DOCK11: variants seen among roughly 807,000 people sequenced by gnomAD.
DOCK11 encodes dedicator of cytokinesis protein 11.
DOCK11 carries 70 observed loss-of-function variants against 169.1 expected under a neutral mutation model. That is an observed-to-expected ratio of 0.41 (90% CI 0.34 to 0.51). The LOEUF (loss-of-function observed/expected upper bound fraction) is 0.51, where lower values mean the gene tolerates loss of function less well. Among genes scored for constraint, DOCK11 ranks in the 20% least tolerant of loss-of-function variants. The pLI, the probability that DOCK11 is intolerant of heterozygous loss-of-function variation, is 0.10. For missense variants in DOCK11, 1,166 were observed against 1,538.8 expected (o/e 0.76, Z 4.05); for synonymous variants, 529 against 541.3 (o/e 0.98, Z 0.32).
chrX:118,569,666 T>A (rs969756697), intron 10 of DOCK11, among the ~76,000 whole-genome samples: 29 of 111,896 alleles, frequency 2.6e-4, no homozygotes, highest in African/African-American at 8.8e-4. Context: ...AAATAAATTT[T>A]AAAAAATAAT....
At chrX:118,600,895 C>T (rs746134728) in intron 23 of DOCK11, among the ~76,000 whole-genome samples, 9 of 110,754 alleles carry the variant, frequency 8.1e-5, no homozygotes, top group Non-Finnish European at 1.3e-4. Context: ...AGGACATTAC[C>T]TTGGGGAGGT....
chrX:118,626,148 C>T (rs1358069722), intron 32 of DOCK11, among the ~76,000 whole-genome samples: 1 of 107,238 alleles, frequency 9.3e-6, no homozygotes, highest in Non-Finnish European at 1.9e-5. Context: ...TCACTGCAAT[C>T]TCTGCCTCCT....
chrX:118,508,268 G>C (rs188855724), intron 1 of DOCK11, among the ~76,000 whole-genome samples: 1 of 111,694 alleles, frequency 9.0e-6, no homozygotes, highest in Non-Finnish European at 1.9e-5. Context: ...TCATGGAACT[G>C]TTTTCATGAT....
intron 39 of DOCK11, among the ~76,000 whole-genome samples, chrX:118,642,395 TCTGTTGC>T (rs2015555399): frequency 8.9e-6 from 1 of 112,139 alleles, no homozygotes; most frequent in Admixed American, 9.5e-5. Flanking sequence ...GTCACCCAAC[TCTGTTGC>T]CGAATTTACT....
intron 6 of DOCK11, among the ~76,000 whole-genome samples, chrX:118,551,728 A>C (rs946587395): frequency 2.7e-5 from 3 of 111,311 alleles, no homozygotes; most frequent in Admixed American, 9.6e-5. Flanking sequence ...AGTTCTTTGG[A>C]AAGTTTGAAA....
At chrX:118,544,988 C>T (rs751213446) in intron 4 of DOCK11, among the ~76,000 whole-genome samples, 17 of 109,198 alleles carry the variant, frequency 1.6e-4, no homozygotes, top group Admixed American at 4.9e-4. Flanking sequence ...CTTTTTGACC[C>T]GGGGAAGGAG....
chrX:118,641,526 C>G (rs937895777), intron 39 of DOCK11, among the ~76,000 whole-genome samples: 1 of 111,422 alleles, frequency 9.0e-6, no homozygotes, highest in African/African-American at 3.3e-5. Context: ...CCCTTAAGCT[C>G]TCTTCTACCT....
At chrX:118,621,286 T>C (rs986953539) in intron 31 of DOCK11, among the ~76,000 whole-genome samples, 16 of 111,989 alleles carry the variant, frequency 1.4e-4, no homozygotes, top group African/African-American at 5.2e-4. Context: ...TGGATGAGGA[T>C]ATAAAAGGTC....
intron 24 of DOCK11, among the ~76,000 whole-genome samples, chrX:118,607,108 C>T (rs1296497707): frequency 2.1e-5 from 2 of 93,455 alleles, no homozygotes; most frequent in Admixed American, 2.4e-4. Context: ...CTTTTCCTTT[C>T]CTTCTTTTTT....
At chrX:118,609,432 A>G (rs1208913814) in intron 27 of DOCK11, 83 bp downstream of exon 27, 1 of 738,428 alleles carries the variant, frequency 1.4e-6, no homozygotes, top group Non-Finnish European at 1.9e-6. Flanking sequence ...GGAGACAAAA[A>G]AAGCTAATCT....
chrX:118,503,535 G>T (rs2057590510), intron 1 of DOCK11, among the ~76,000 whole-genome samples: 1 of 111,360 alleles, frequency 9.0e-6, no homozygotes, highest in African/African-American at 3.3e-5. Context: ...TTCTCAGCTT[G>T]TGTGAACTGA....
intron 47 of DOCK11, 95 bp from the exon 48 acceptor site, chrX:118,676,496 C>A: frequency 2.2e-6 from 1 of 464,663 alleles, no homozygotes; most frequent in Non-Finnish European, 3.3e-6. Flanking sequence ...AAATTTATTT[C>A]AAATATATTA....
intron 1 of DOCK11, among the ~76,000 whole-genome samples, chrX:118,516,004 A>ACTCT (rs1436837389): frequency 2.2e-5 from 1 of 44,952 alleles, no homozygotes; most frequent in African/African-American, 1.2e-4. Flanking sequence ...GATTTGGGCA[A>ACTCT]ATATATATAT....
At chrX:118,523,595 A>G (rs2011308871) in intron 1 of DOCK11, among the ~76,000 whole-genome samples, 1 of 112,276 alleles carries the variant, frequency 8.9e-6, no homozygotes, top group Non-Finnish European at 1.9e-5. Context: ...TTTAGTAAGG[A>G]TATTCAACAG....
intron 35 of DOCK11, chrX:118,633,961 C>T (rs2015317596): frequency 8.9e-6 from 1 of 112,646 alleles, no homozygotes; most frequent in Non-Finnish European, 1.9e-5. Flanking sequence ...AATAGTCTTT[C>T]TCTAGCGCAA....
At chrX:118,640,624 A>G (rs1245710079) in intron 38 of DOCK11, among the ~76,000 whole-genome samples, 3 of 112,371 alleles carry the variant, frequency 2.7e-5, no homozygotes, top group Admixed American at 9.4e-5. Flanking sequence ...AAGGCCTCCC[A>G]CATTATTTCC....
chrX:118,636,476 A>AT (rs779321987), intron 36 of DOCK11, 64 bp downstream of exon 36: 13 of 587,370 alleles, frequency 2.2e-5, no homozygotes, highest in Non-Finnish European at 3.0e-5. Flanking sequence ...AACTGTTACA[A>AT]TTTTTTCTGT....
At chrX:118,647,532 T>A (rs2015721603) in intron 40 of DOCK11, among the ~76,000 whole-genome samples, 1 of 74,025 alleles carries the variant, frequency 1.4e-5, no homozygotes, top group Non-Finnish European at 2.4e-5. Context: ...TATAATATAA[T>A]ATTATATATT....
At chrX:118,569,621 A>G (rs1335961531) in intron 10 of DOCK11, 1 of 112,215 alleles carries the variant, frequency 8.9e-6, no homozygotes, top group Non-Finnish European at 1.9e-5. Flanking sequence ...TTCCTTAATG[A>G]AAGTATCACA....
Sources: allele counts gnomAD v4.1 joint callset (sites outside exome capture counted in the v4.1 genomes callset), GRCh38; gene constraint gnomAD v4.1.1; transcripts MANE v1.5; gene names NCBI Gene and HGNC (gene_info 2026-07-23, HGNC 2026-07-21).